TIAM1: variants seen among roughly 807,000 people sequenced by gnomAD.
TIAM1 encodes the protein TIAM Rac1 associated GEF 1.
Under a neutral mutation model 163.5 loss-of-function variants are expected in TIAM1, and 65 were observed. That is an observed-to-expected ratio of 0.40 (90% CI 0.33 to 0.49). TIAM1 has a LOEUF of 0.49. TIAM1 is among the 20% of genes least tolerant of loss of function. TIAM1 has a pLI of 0.77. For synonymous variants in TIAM1, 833 were observed against 810.1 expected (o/e 1.03, Z -0.48); for missense variants, 1,789 against 2,044.7 (o/e 0.87, Z 2.41).
chr21:31,402,668 G>A (rs937101736), intron 2 of TIAM1, among the ~76,000 whole-genome samples: 5 of 152,038 alleles, frequency 3.3e-5, no homozygotes, highest in Admixed American at 1.3e-4. Flanking sequence ...ACTAAAGGCC[G>A]GGCGTGGTGG....
At position 31,143,083 on chromosome 21, in the gene TIAM1, C is replaced by T. The variant is rs181795490; in HGVS notation, c.3476-1579G>A. ...CCTGGGGGTGATGGGGGCTGTGGCA[C>T]GTCCAGCGTGGGCACTCTGGACGTT... On this transcript the variant is annotated intron_variant, in intron 20 of 27. Transcript: ENST00000541036. Among the ~76,000 whole-genome samples, 218 of 152,218 alleles carry T rather than the reference C, an allele frequency of 1.4e-3. 1 individual carries two copies. The highest frequency in any genetic ancestry group is 4.9e-3 in the African/African-American group (205 of 41,520).
chr21:31,314,378 A>G (rs2075034729), intron 2 of TIAM1, among the ~76,000 whole-genome samples: 1 of 152,240 alleles, frequency 6.6e-6, no homozygotes, highest in African/African-American at 2.4e-5. Context: ...ATAAAATGTT[A>G]GTAAGCCCAC....
At chr21:31,388,706 G>GGAT (rs1212450822) in intron 2 of TIAM1, among the ~76,000 whole-genome samples, 1 of 151,744 alleles carries the variant, frequency 6.6e-6, no homozygotes, top group Non-Finnish European at 1.5e-5. Flanking sequence ...CCAGGAGGCT[G>GGAT]GATGTTAAGC....
chr21:31,213,790 G>A (rs2087011238), intron 9 of TIAM1, among the ~76,000 whole-genome samples: 1 of 149,234 alleles, frequency 6.7e-6, no homozygotes, highest in African/African-American at 2.5e-5. Context: ...AGCACTTTGG[G>A]AAGCTGAGGC....
Position 31,365,419 on chromosome 21 carries a change from C to T in TIAM1, c.-368-25997G>A, listed in dbSNP as rs368861405. Among the ~76,000 whole-genome samples, 3 of 136,596 alleles carry T rather than the reference C, an allele frequency of 2.2e-5. No homozygotes were observed. In the Admixed American group the frequency reaches 2.3e-4, roughly 11 times the overall value. The allele number at this position is 136,596 out of a possible 152,430, so 89.6% of individuals were successfully genotyped here. A position where few individuals can be genotyped will look rare whatever the true frequency, so the allele number is the denominator to read the frequency against. ...TTTTTTTTTTTTTGAGAGGGAGTCT[C>T]GCTCTGTCGCCCAGGCTGGAGTGCA... On this transcript the variant is annotated intron_variant, in intron 2 of 28. Coordinates refer to the TIAM1 transcript ENST00000286827.
In TIAM1 at chr21:31,436,250, T is replaced by G. The variant is rs556809786; in HGVS notation, c.-369+27733A>C. 2.6e-5 allele frequency among the ~76,000 whole-genome samples: 4 copies of G among 152,320 alleles called. No individual in the cohort carries two copies. The South Asian group carries it at 6.2e-4, about 24-fold the overall frequency. ...CAAGCACCACGTAATATACACGTCA[T>G]TCAATCACCAGTGTCCACCACTGCC... On this transcript the variant is annotated intron_variant, in intron 2 of 28. Transcript: ENST00000286827.
rs57117941 is a variant in TIAM1, at chr21:31,430,210, GAAAAAA to G, written c.-369+33767_-369+33772del. On this transcript the variant is annotated intron_variant, in intron 2 of 28. Transcript: ENST00000286827. The stretch of plus-strand genomic sequence containing the variant: ...AACAAGAGCGAAACTCCATCTCAAA[GAAAAAA>G]AAAAAAAAAATATATATATATATAT... Among the ~76,000 whole-genome samples the G allele has an allele frequency of 2.9e-3, 257 of 89,424 alleles. 2 individuals are homozygous for G. Among genetic ancestry groups the G allele is most frequent in the African/African-American group, 5.9e-3 (118 of 19,936 alleles). 58.7% of individuals were successfully genotyped at this position (89,424 alleles called of 152,430 possible).
chr21:31,391,615 A>G (rs2076966618), intron 2 of TIAM1, among the ~76,000 whole-genome samples: 1 of 151,954 alleles, frequency 6.6e-6, no homozygotes, highest in Non-Finnish European at 1.5e-5. Flanking sequence ...ACAGAGCAAG[A>G]CTCTGTCTTA....
chr21:31,251,706 G>A (rs2071813659), intron 5 of TIAM1, 36 bp downstream of exon 5: 1 of 1,538,474 alleles, frequency 6.5e-7, no homozygotes, highest in Non-Finnish European at 8.8e-7. Context: ...CTCTATTGGT[G>A]CATTTGGCAC....
rs1385705175 is a variant in TIAM1, at chr21:31,266,749, G to A, written c.224C>T (p.Pro75Leu). ...PQSLAENGLE[P>L]FSQDGTLEDF... ...TTCTAGGGTACCATCTTGGGAGAAG[G>A]GCTCCAGGCCATTTTCAGCCAGGGA... is the stretch of plus-strand genomic sequence containing the variant. The change falls in exon 4 of 28, where the codon CCC becomes CTC. Residue 75 changes from proline (P) to leucine (L), a missense_variant. Coordinates refer to ENST00000541036, the MANE Select transcript of TIAM1 (RefSeq NM_001353694.2). 1 of 1,614,182 alleles carries A rather than the reference G, an allele frequency of 6.2e-7. No individual in the cohort carries two copies. Among genetic ancestry groups the A allele is most frequent in the Non-Finnish European group, 8.5e-7 (1 of 1,180,046 alleles).
At chr21:31,315,222 T>C (rs562186576) in intron 2 of TIAM1, among the ~76,000 whole-genome samples, 1 of 152,036 alleles carries the variant, frequency 6.6e-6, no homozygotes, top group East Asian at 1.9e-4. Flanking sequence ...TACAAAAAAG[T>C]AGCTGCGCAT....
At chr21:31,534,310 C>T (rs2048059430) in intron 1 of TIAM1, among the ~76,000 whole-genome samples, 1 of 152,230 alleles carries the variant, frequency 6.6e-6, no homozygotes, top group Non-Finnish European at 1.5e-5. Context: ...AACAACCAGA[C>T]TTAACAACAG....
intron 8 of TIAM1, among the ~76,000 whole-genome samples, chr21:31,222,707 A>ATATATT (rs1235400142): frequency 5.5e-4 from 18 of 32,876 alleles, no homozygotes; most frequent in Admixed American, 2.0e-3. Context: ...ATATATATAT[A>ATATATT]TTTTTTTTTT....
rs924347360 is a variant in TIAM1, at chr21:31,446,841, G to C, written c.-369+17142C>G. Among the ~76,000 whole-genome samples, 23 of 152,138 alleles carry C rather than the reference G, an allele frequency of 1.5e-4. 1 individual carries two copies. The highest frequency in any genetic ancestry group is 5.6e-4 in the African/African-American group (23 of 41,430). On this transcript the variant is annotated intron_variant, in intron 2 of 28. Coordinates refer to the TIAM1 transcript ENST00000286827. ...TAAGCACAGAAAAGTTGCAAATCTT[G>C]CAGTAAAAGCAAAACAGTAAAGTTC...
intron 15 of TIAM1, among the ~76,000 whole-genome samples, chr21:31,181,150 G>A (rs1469580311): frequency 1.3e-5 from 2 of 152,146 alleles, no homozygotes; most frequent in Non-Finnish European, 2.9e-5. Flanking sequence ...CGGTCATGGA[G>A]AAATAAATGA....
At chr21:31,235,102 C>T (rs1217582375) in intron 6 of TIAM1, among the ~76,000 whole-genome samples, 2 of 152,158 alleles carry the variant, frequency 1.3e-5, no homozygotes, top group Admixed American at 1.3e-4. Context: ...GGCTGTTGTA[C>T]ATGAGGCCCG....
chr21:31,385,124 C>T (rs1402661969), intron 2 of TIAM1, among the ~76,000 whole-genome samples: 1 of 152,184 alleles, frequency 6.6e-6, no homozygotes, highest in Non-Finnish European at 1.5e-5. Context: ...TGCAATGGCG[C>T]GATCCAGGTT....
intron 2 of TIAM1, among the ~76,000 whole-genome samples, chr21:31,442,060 CAAAT>C (rs1299556171): frequency 3.4e-5 from 1 of 29,514 alleles, no homozygotes; most frequent in Non-Finnish European, 5.9e-5. Context: ...TATCTCAGAA[CAAAT>C]AAATAAATAT....
At chr21:31,535,621 A>G (rs1342575049) in intron 1 of TIAM1, among the ~76,000 whole-genome samples, 1 of 152,000 alleles carries the variant, frequency 6.6e-6, no homozygotes, top group African/African-American at 2.4e-5. Context: ...GAGCTCCTGG[A>G]GCTTTGGGAC....
Sources: allele counts gnomAD v4.1 joint callset (sites outside exome capture counted in the v4.1 genomes callset), GRCh38; gene constraint gnomAD v4.1.1; transcripts MANE v1.5; gene names NCBI Gene and HGNC (gene_info 2026-07-23, HGNC 2026-07-21).